Variants in METTL15 observed in about 807,000 individuals in gnomAD.
METTL15 encodes methyltransferase 15, mitochondrial 12S rRNA N4-cytidine.
In METTL15, 34 loss-of-function variants were observed where a neutral mutation model predicts 38.3. The observed-to-expected ratio is 0.89, with a 90% CI of 0.68 to 1.18. The LOEUF is 1.18. Among genes scored for constraint, METTL15 ranks in the 50% most tolerant of loss-of-function variants. The pLI is 0.00. For synonymous variants in METTL15, 162 were observed against 170.9 expected, an observed-to-expected ratio of 0.95 and a Z score of 0.41; for missense variants, 438 against 498.4, an observed-to-expected ratio of 0.88 and a Z score of 1.15.
At chr11:28,279,998 A>C (rs1299694970) in intron 4 of METTL15, among the ~76,000 whole-genome samples, 1 of 151,640 alleles carries the variant, frequency 6.6e-6, no homozygotes. Context: ...ACCTTGGATC[A>C]TGTTAACTAC....
chr11:28,274,764 T>G (rs1407817937), intron 4 of METTL15, among the ~76,000 whole-genome samples: 1 of 151,940 alleles, frequency 6.6e-6, no homozygotes, highest in Admixed American at 6.6e-5. Context: ...GAATTTAAAG[T>G]GCCATTTTAA....
At chr11:28,293,537 A>T (rs1021833838) in intron 5 of METTL15, among the ~76,000 whole-genome samples, 2 of 129,422 alleles carry the variant, frequency 1.5e-5, no homozygotes, top group Non-Finnish European at 1.7e-5. Context: ...TTGGTGATGC[A>T]GGCTCTTTTT....
intron 4 of METTL15, 131 bp from the exon 5 acceptor site, chr11:28,290,075 C>CT: frequency 1.3e-6 from 1 of 752,800 alleles, no homozygotes; most frequent in Non-Finnish European, 2.0e-6. Flanking sequence ...TTATACAACA[C>CT]TAAGCACTCA....
intron 3 of METTL15, among the ~76,000 whole-genome samples, chr11:28,114,789 C>G (rs1159620720): frequency 6.6e-6 from 1 of 152,048 alleles, no homozygotes; most frequent in Admixed American, 6.6e-5. Flanking sequence ...TTTCAGTTCT[C>G]TTGGGTATAT....
chr11:28,350,477 GAATC>G (rs1850031531), intron 3 of METTL15, among the ~76,000 whole-genome samples: 1 of 152,154 alleles, frequency 6.6e-6, no homozygotes, highest in Non-Finnish European at 1.5e-5. Flanking sequence ...GTTAACTACT[GAATC>G]AATCCAAGTA....
At chr11:28,485,054 G>C (rs1451263764) in intron 6 of METTL15, among the ~76,000 whole-genome samples, 2 of 151,802 alleles carry the variant, frequency 1.3e-5, no homozygotes, top group Non-Finnish European at 2.9e-5. Flanking sequence ...ATGATGCTAA[G>C]TTCCTGGTAA....
At chr11:28,200,413 G>A (rs1353860798) in intron 3 of METTL15, among the ~76,000 whole-genome samples, 1 of 152,096 alleles carries the variant, frequency 6.6e-6, no homozygotes, top group East Asian at 1.9e-4. Flanking sequence ...ATGGTAAAAT[G>A]TTTAGCATTG....
At position 28,387,811 on chromosome 11, in the gene METTL15, A is replaced by G. The variant is rs909441232; in HGVS notation, c.*358+25775A>G. Among the ~76,000 whole-genome samples the G allele has an allele frequency of 1.3e-4, 20 of 152,224 alleles. 1 individual carries two copies. Among genetic ancestry groups the G allele is most frequent in the Admixed American group, 7.2e-4 (11 of 15,280 alleles). ...AATTTCCTTAACAAAATACTAGCAA[A>G]TACTTTAAAAGGATTTAGTCCTGCA... On this transcript the variant is annotated intron_variant and NMD_transcript_variant, in intron 5 of 7. Transcript: ENST00000532947.
chr11:28,206,553 T>C (rs892696489), intron 3 of METTL15, among the ~76,000 whole-genome samples: 5 of 150,842 alleles, frequency 3.3e-5, no homozygotes, highest in African/African-American at 1.2e-4. Flanking sequence ...ATGCCTCCAG[T>C]TTTGTTCTTT....
intron 3 of METTL15, among the ~76,000 whole-genome samples, chr11:28,186,638 A>G (rs1038220731): frequency 2.0e-5 from 3 of 151,182 alleles, no homozygotes; most frequent in African/African-American, 7.3e-5. Context: ...GGTTAAAGTG[A>G]GAAGGAAGTT....
At chr11:28,241,866 G>C (rs1854313988) in intron 4 of METTL15, among the ~76,000 whole-genome samples, 1 of 152,160 alleles carries the variant, frequency 6.6e-6, no homozygotes, top group Admixed American at 6.5e-5. Context: ...AGGCTAATGG[G>C]TGTGCTCAGA....
Position 28,331,411 on chromosome 11 carries a change from T to TA in METTL15, c.*573dup, listed in dbSNP as rs1849812025. ...TCTTTCAAATTATAGTCTATTATTTTAAAGGGATTTTTCAGTATGATATGG... is the reference window on the plus strand; with the variant it reads ...TCTTTCAAATTATAGTCTATTATTTTAAAAGGGATTTTTCAGTATGATATGG... On this transcript the variant is annotated 3_prime_UTR_variant, in exon 7 of 7. Coordinates refer to ENST00000407364, the MANE Select transcript of METTL15 (RefSeq NM_001113528.2). The TA allele has an allele frequency of 6.6e-6, 1 of 151,684 alleles. No homozygotes were observed. 9.4% of individuals were successfully genotyped at this position (151,684 alleles called of 1,614,324 possible). A position where few individuals can be genotyped will look rare whatever the true frequency, so the allele number is the denominator to read the frequency against.
At chr11:28,307,717 G>A (rs1408785595) in intron 6 of METTL15, among the ~76,000 whole-genome samples, 2 of 151,836 alleles carry the variant, frequency 1.3e-5, no homozygotes, top group African/African-American at 4.8e-5. Flanking sequence ...ATTATGTATC[G>A]ACTTAACCAT....
chr11:28,139,803 G>A (rs547371029), intron 3 of METTL15, among the ~76,000 whole-genome samples: 1 of 152,062 alleles, frequency 6.6e-6, no homozygotes, highest in Admixed American at 6.5e-5. Context: ...GTTTTCACAG[G>A]GCCATGTTAG....
Position 28,195,115 on chromosome 11 carries a change from G to A in METTL15, c.271-15947G>A, listed in dbSNP as rs191165562. Among the ~76,000 whole-genome samples the A allele has an allele frequency of 2.3e-3, 352 of 152,044 alleles. 2 individuals carry two copies. The highest frequency in any genetic ancestry group is 4.4e-3 in the Non-Finnish European group (297 of 67,994). ...CACTCTTTGGTTGATGAGCATTTAGGTTGATTCCCTATCTTTGCAATTGCG... is the reference window on the plus strand; with the variant it reads ...CACTCTTTGGTTGATGAGCATTTAGATTGATTCCCTATCTTTGCAATTGCG... On this transcript the variant is annotated intron_variant, in intron 3 of 6. Coordinates refer to ENST00000407364, the MANE Select transcript of METTL15 (RefSeq NM_001113528.2).
At chr11:28,437,094 C>A (rs559224405) in intron 6 of METTL15, among the ~76,000 whole-genome samples, 2 of 152,276 alleles carry the variant, frequency 1.3e-5, no homozygotes, top group South Asian at 4.1e-4. Flanking sequence ...GACTTAACAC[C>A]AGTGGTTTGC....
chr11:28,274,590 A>T (rs562429045), intron 4 of METTL15, among the ~76,000 whole-genome samples: 4 of 152,064 alleles, frequency 2.6e-5, no homozygotes, highest in Non-Finnish European at 2.9e-5. Flanking sequence ...AGAATAAAAA[A>T]TGTTCATTAA....
At chr11:28,455,429 A>G (rs928636068) in intron 6 of METTL15, among the ~76,000 whole-genome samples, 7 of 152,072 alleles carry the variant, frequency 4.6e-5, no homozygotes, top group African/African-American at 1.7e-4. Context: ...TAGACAATGC[A>G]TTAAGGCCAT....
At chr11:28,167,113 A>C (rs868777963) in intron 3 of METTL15, among the ~76,000 whole-genome samples, 4 of 152,186 alleles carry the variant, frequency 2.6e-5, no homozygotes, top group Admixed American at 6.5e-5. Context: ...GTCATTAAAT[A>C]ATGGAGCTTT....
Sources: allele counts gnomAD v4.1 joint callset (sites outside exome capture counted in the v4.1 genomes callset), GRCh38; gene constraint gnomAD v4.1.1; transcripts MANE v1.5; gene names NCBI Gene and HGNC (gene_info 2026-07-23, HGNC 2026-07-21).